Variants in MTMR7 observed in about 807,000 individuals in gnomAD.
The protein encoded by MTMR7 is myotubularin related protein 7.
A neutral mutation model predicts 81.2 loss-of-function variants in MTMR7; 76 were observed. The ratio of observed to expected loss-of-function variants is 0.94; its 90% confidence interval spans 0.78 to 1.13. The LOEUF (loss-of-function observed/expected upper bound fraction) is 1.13. MTMR7 is among the 50% of genes most tolerant of loss of function. MTMR7 has a pLI of 0.00. For synonymous variants in MTMR7, 372 were observed against 289.8 expected, an observed-to-expected ratio of 1.28 and a Z score of -2.88; for missense variants, 1,044 against 820.0, an observed-to-expected ratio of 1.27 and a Z score of -3.34.
At chr8:17,395,763 T>A (rs1033486454) in intron 1 of MTMR7, among the ~76,000 whole-genome samples, 1 of 152,224 alleles carries the variant, frequency 6.6e-6, no homozygotes, top group African/African-American at 2.4e-5. Context: ...GCCCACTGTT[T>A]AAACTGGGTT....
At position 17,373,135 on chromosome 8, in the gene MTMR7, G is replaced by C. The variant is rs7388581; in HGVS notation, c.130C>G (p.Pro44Ala). ...AAGCATACCCATGTTTCTTTTCTTG[G>C]GTCAGGTGAATTTTCCACGAATATG... ...HVIFVENSPD[P>A]RKETWILHSQ... Residue 44 changes from proline to alanine, a missense_variant, in exon 2 of 14, where the codon CCA becomes GCA. Coordinates refer to ENST00000180173, the MANE Select transcript of MTMR7 (RefSeq NM_004686.5). 1,611,321 of 1,613,904 alleles carry C rather than the reference G, an allele frequency of 1. 804,403 individuals carry two copies. The highest frequency in any genetic ancestry group is 1 in the East Asian group (44,861 of 44,862).
chr8:17,324,943 G>C (rs1586188506), intron 7 of MTMR7, among the ~76,000 whole-genome samples: 1 of 152,218 alleles, frequency 6.6e-6, no homozygotes, highest in East Asian at 1.9e-4. Flanking sequence ...ACATCTGGTA[G>C]AATTTCACAG....
At chr8:17,349,546 C>G (rs1277372491) in intron 4 of MTMR7, 1 of 159,310 alleles carries the variant, frequency 6.3e-6, no homozygotes, top group Non-Finnish European at 1.4e-5. Context: ...GCATTCCTGA[C>G]CCTGACACAT....
chr8:17,346,155 A>G (rs984316997), intron 5 of MTMR7: 2 of 152,212 alleles, frequency 1.3e-5, no homozygotes, highest in Non-Finnish European at 2.9e-5. Flanking sequence ...CCTTTAGGAA[A>G]AGCCCTAGTC....
intron 6 of MTMR7, 108 bp downstream of exon 6, chr8:17,341,255 C>T (rs944283722): frequency 6.9e-7 from 1 of 1,453,546 alleles, no homozygotes; most frequent in Non-Finnish European, 9.4e-7. Flanking sequence ...GGAACCGCCC[C>T]TTTGCAGATG....
intron 1 of MTMR7, among the ~76,000 whole-genome samples, chr8:17,411,905 G>A (rs900391644): frequency 6.6e-6 from 1 of 152,130 alleles, no homozygotes; most frequent in Admixed American, 6.5e-5. Flanking sequence ...TTTTACAAAC[G>A]GCTCCCTTCA....
chr8:17,333,686 C>T (rs776693589), intron 6 of MTMR7, among the ~76,000 whole-genome samples: 1 of 151,876 alleles, frequency 6.6e-6, no homozygotes, highest in African/African-American at 2.4e-5. Flanking sequence ...CCCATTTCTA[C>T]AAAAAAATGC....
At chr8:17,346,282 T>C (rs1050260029) in intron 5 of MTMR7, 1 of 151,790 alleles carries the variant, frequency 6.6e-6, no homozygotes, top group African/African-American at 2.4e-5. Flanking sequence ...GGTGGGAGAG[T>C]GGGCGGGCAG....
At chr8:17,405,847 C>T (rs1309097073) in intron 1 of MTMR7, among the ~76,000 whole-genome samples, 4 of 41,376 alleles carry the variant, frequency 9.7e-5, no homozygotes, top group African/African-American at 8.5e-4. Context: ...CACACACACA[C>T]ACACACACAC....
chr8:17,383,443 T>C lies in MTMR7; in HGVS notation c.25-10203A>G, dbSNP rs564790601. 8.3e-4 allele frequency among the ~76,000 whole-genome samples: 126 copies of C among 152,246 alleles called. 1 individual carries two copies. The highest frequency in any genetic ancestry group is 2.9e-3 in the African/African-American group (120 of 41,546). On this transcript the variant is annotated intron_variant, in intron 1 of 13. Transcript: ENST00000180173. ...TCTAACCTTAGCTGAGACAAAGACATGAAGAGCATGAAAAATCAATCAACT... is the reference window on the plus strand; with the variant it reads ...TCTAACCTTAGCTGAGACAAAGACACGAAGAGCATGAAAAATCAATCAACT...
chr8:17,342,578 C>T (rs73557529), intron 5 of MTMR7, among the ~76,000 whole-genome samples: 4,076 of 152,214 alleles, frequency 0.027, 181 homozygotes, highest in African/African-American at 0.093. Flanking sequence ...TGGATCTCTC[C>T]AAAGGGCTTG....
intron 1 of MTMR7, among the ~76,000 whole-genome samples, chr8:17,373,873 A>G (rs940764333): frequency 2.0e-5 from 3 of 152,254 alleles, no homozygotes; most frequent in African/African-American, 4.8e-5. Flanking sequence ...AACAATTTTT[A>G]CAAAGCATAC....
At chr8:17,309,801 C>A (rs1187085928) in intron 9 of MTMR7, among the ~76,000 whole-genome samples, 1 of 152,076 alleles carries the variant, frequency 6.6e-6, no homozygotes, top group Non-Finnish European at 1.5e-5. Flanking sequence ...AAATTACCAA[C>A]CTCTTTACAA....
intron 7 of MTMR7, among the ~76,000 whole-genome samples, chr8:17,315,623 G>A (rs1179094558): frequency 6.6e-6 from 1 of 152,038 alleles, no homozygotes; most frequent in African/African-American, 2.4e-5. Context: ...ATCTAAAACT[G>A]CTCTTAAAAA....
In MTMR7 at chr8:17,296,981, G is replaced by A. The variant is rs1816700486; in HGVS notation, c.*2881C>T. ...ATGTCACCCACGATGAAAAGAATCT[G>A]CATTTGAATATGCCCGTATGAATGT... On this transcript the variant is annotated 3_prime_UTR_variant, in exon 14 of 14. Transcript: ENST00000180173. 6.6e-6 allele frequency: 1 copy of A among 152,144 alleles called. No individual in the cohort carries two copies. Among genetic ancestry groups the A allele is most frequent in the Admixed American group, 6.5e-5 (1 of 15,278 alleles). The allele number at this position is 152,144 out of a possible 1,614,324, so 9.4% of individuals were successfully genotyped here. A position where few individuals can be genotyped will look rare whatever the true frequency, so the allele number is the denominator to read the frequency against.
chr8:17,378,506 T>C (rs1028218081), intron 1 of MTMR7, among the ~76,000 whole-genome samples: 1 of 152,204 alleles, frequency 6.6e-6, no homozygotes, highest in African/African-American at 2.4e-5. Flanking sequence ...ACATATATGC[T>C]GTACATACTA....
chr8:17,355,193 A>G (rs10503593), intron 4 of MTMR7, among the ~76,000 whole-genome samples: 7,101 of 152,258 alleles, frequency 0.047, 230 homozygotes, highest in Non-Finnish European at 0.07. Context: ...AGGATGTGTC[A>G]TATTAACAAA....
At chr8:17,407,730 A>G (rs1304601578) in intron 1 of MTMR7, among the ~76,000 whole-genome samples, 1 of 152,150 alleles carries the variant, frequency 6.6e-6, no homozygotes, top group Non-Finnish European at 1.5e-5. Context: ...TAGTGCACGC[A>G]AAGAAAAAAA....
At chr8:17,327,866 G>C (rs1385361549) in intron 7 of MTMR7, among the ~76,000 whole-genome samples, 2 of 151,808 alleles carry the variant, frequency 1.3e-5, no homozygotes, top group African/African-American at 2.4e-5. Context: ...TCAACTTACT[G>C]TTTACTCTTT....
Sources: gnomAD v4.1 joint callset for allele counts (sites outside exome capture counted in the v4.1 genomes callset) on GRCh38, gnomAD v4.1.1 for gene constraint, MANE v1.5 for transcripts, NCBI Gene and HGNC (gene_info 2026-07-23, HGNC 2026-07-21) for gene names.